The following TENM3 variants were observed in gnomAD, a reference collection of about 807,000 sequenced individuals.
The protein encoded by TENM3 is teneurin transmembrane protein 3.
Under a neutral mutation model 255.1 loss-of-function variants are expected in TENM3, and 63 were observed. That is an observed-to-expected ratio of 0.25 (90% CI 0.20 to 0.30). TENM3 has a LOEUF of 0.30. Among genes scored for constraint, TENM3 ranks in the 10% least tolerant of loss-of-function variants. The pLI, the probability that TENM3 is intolerant of heterozygous loss-of-function variation, is 1.00. For synonymous variants in TENM3, 1,306 were observed against 1,322.3 expected, an observed-to-expected ratio of 0.99 and a Z score of 0.27; for missense variants, 2,929 against 3,461.1, an observed-to-expected ratio of 0.85 and a Z score of 3.86.
chr4:182,602,713 T>G (rs932901566), intron 4 of TENM3, among the ~76,000 whole-genome samples: 1 of 152,204 alleles, frequency 6.6e-6, no homozygotes, highest in Admixed American at 6.5e-5. Flanking sequence ...CACAGTCATG[T>G]ATACGGATTT....
At chr4:182,439,372 C>T (rs376408358) in intron 3 of TENM3, among the ~76,000 whole-genome samples, 38 of 152,176 alleles carry the variant, frequency 2.5e-4, no homozygotes, top group African/African-American at 7.7e-4. Context: ...AGCACATTGG[C>T]TTTTTATAAA....
chr4:182,213,864 C>T lies in TENM3; in HGVS notation c.-76+69110C>T, dbSNP rs139341378. ...TCGCCCAGGCTGGAGTGCAGTGGCGCGATCTCGGCTCACTGCAAGCTCTGC... is the reference window on the plus strand; with the variant it reads ...TCGCCCAGGCTGGAGTGCAGTGGCGTGATCTCGGCTCACTGCAAGCTCTGC... On this transcript the variant is annotated intron_variant, in intron 1 of 2. Transcript: ENST00000512480. Among the ~76,000 whole-genome samples, 1,094 of 152,130 alleles carry T rather than the reference C, an allele frequency of 7.2e-3. 18 individuals are homozygous for T. Among genetic ancestry groups the T allele is most frequent in the African/African-American group, 0.025 (1,034 of 41,470 alleles).
At chr4:182,563,302 T>C (rs1743409174) in intron 3 of TENM3, among the ~76,000 whole-genome samples, 1 of 152,116 alleles carries the variant, frequency 6.6e-6, no homozygotes, top group South Asian at 2.1e-4. Flanking sequence ...TGATGGTGTA[T>C]GCCTGTAATC....
chr4:182,730,096 A>G lies in TENM3; in HGVS notation c.2586-104A>G, dbSNP rs1321974832. 13 of 1,393,886 alleles carry G rather than the reference A, an allele frequency of 9.3e-6. No individual in the cohort carries two copies. The South Asian group carries it at 1.2e-4, about 13-fold the overall frequency. The allele number at this position is 1,393,886 out of a possible 1,614,324, so 86.3% of individuals were successfully genotyped here. A position where few individuals can be genotyped will look rare whatever the true frequency, so the allele number is the denominator to read the frequency against. On this transcript the variant is annotated intron_variant, in intron 14 of 27. Coordinates refer to ENST00000511685, the MANE Select transcript of TENM3 (RefSeq NM_001080477.4). The stretch of plus-strand genomic sequence containing the variant: ...ATTTTTGTGAATAACGATGGATTGC[A>G]TAGCATAGTGTTATTTTATCCTTAG...
At chr4:181,566,099 A>AG in the TENM3 span, among the ~76,000 whole-genome samples, 3 of 11,366 alleles carry the variant, frequency 2.6e-4, no homozygotes, top group Non-Finnish European at 1.1e-3. Context: ...TGTTTGGCGA[A>AG]GAAAAAAAAA....
intron 1 of TENM3, among the ~76,000 whole-genome samples, chr4:182,177,610 A>ATCTT (rs1752575550): frequency 7.8e-6 from 1 of 128,114 alleles, no homozygotes; most frequent in Non-Finnish European, 1.8e-5. Flanking sequence ...ACATATATAT[A>ATCTT]TATATTTTTT....
the TENM3 span, among the ~76,000 whole-genome samples, chr4:181,637,997 G>T: frequency 5.3e-5 from 8 of 152,140 alleles, no homozygotes; most frequent in South Asian, 2.1e-4. Flanking sequence ...CCACACGCAG[G>T]CATTTTCTTG....
the TENM3 span, among the ~76,000 whole-genome samples, chr4:181,847,880 GT>G: frequency 2.0e-5 from 3 of 151,980 alleles, no homozygotes; most frequent in African/African-American, 7.2e-5. Flanking sequence ...AAGTCAAAAA[GT>G]TGTATTCCAG....
chr4:182,076,479 G>A, the TENM3 span, among the ~76,000 whole-genome samples: 2 of 152,136 alleles, frequency 1.3e-5, no homozygotes, highest in Admixed American at 6.5e-5. Flanking sequence ...TGGGATTACA[G>A]GCGTGAGCCG....
intron 1 of TENM3, among the ~76,000 whole-genome samples, chr4:182,258,649 G>T (rs950710419): frequency 3.9e-5 from 6 of 152,180 alleles, no homozygotes; most frequent in Non-Finnish European, 8.8e-5. Context: ...GTTTCACCTT[G>T]TGTTACTTGT....
At chr4:181,621,112 T>A in the TENM3 span, among the ~76,000 whole-genome samples, 1 of 152,128 alleles carries the variant, frequency 6.6e-6, no homozygotes, top group Non-Finnish European at 1.5e-5. Context: ...TTGACAATAA[T>A]CAAAGAGGTC....
the TENM3 span, among the ~76,000 whole-genome samples, chr4:181,733,614 A>G: frequency 2.0e-5 from 3 of 152,160 alleles, no homozygotes; most frequent in African/African-American, 7.2e-5. Flanking sequence ...GAATGATGCT[A>G]CCAGCTTTGG....
chr4:181,595,181 A>C, the TENM3 span, among the ~76,000 whole-genome samples: 8 of 152,236 alleles, frequency 5.3e-5, no homozygotes, highest in South Asian at 2.1e-4. Flanking sequence ...CTGTAATCCC[A>C]GCACTTTGAG....
At chr4:182,248,313 C>T (rs1019459454) in intron 1 of TENM3, among the ~76,000 whole-genome samples, 13 of 152,110 alleles carry the variant, frequency 8.5e-5, no homozygotes, top group Admixed American at 7.2e-4. Context: ...TATCAATAGT[C>T]TTAGCCTTAT....
the TENM3 span, among the ~76,000 whole-genome samples, chr4:181,516,000 G>A: frequency 6.6e-6 from 1 of 152,164 alleles, no homozygotes; most frequent in African/African-American, 2.4e-5. Flanking sequence ...ATGCATCATG[G>A]AATACTATGC....
intron 3 of TENM3, among the ~76,000 whole-genome samples, chr4:182,471,634 T>C (rs371716111): frequency 0.015 from 2,191 of 150,966 alleles, 29 homozygotes; most frequent in Middle Eastern, 0.054. Flanking sequence ...CCTCTGTGTG[T>C]GTGTGTGTGT....
rs1242406735 is a variant in TENM3 at position 182,738,560 on chromosome 4, T to G, written c.3379+16T>G. The G allele has an allele frequency of 2.5e-5, 40 of 1,600,904 alleles. No homozygotes were observed. The highest frequency in any genetic ancestry group is 3.4e-5 in the Non-Finnish European group (40 of 1,173,746). On this transcript the variant is annotated intron_variant, in intron 18 of 27. Coordinates refer to ENST00000511685, the MANE Select transcript of TENM3 (RefSeq NM_001080477.4). ...GTACAGAACGGTAAGCTCTTGTTCA[T>G]AGATAACTGATGTTGTAATGTATTG...
the TENM3 span, among the ~76,000 whole-genome samples, chr4:181,861,693 A>G: frequency 6.6e-6 from 1 of 152,046 alleles, no homozygotes; most frequent in South Asian, 2.1e-4. Context: ...CATCTCAAAC[A>G]TTGTCTTTGA....
chr4:181,701,878 C>T, the TENM3 span, among the ~76,000 whole-genome samples: 856 of 152,222 alleles, frequency 5.6e-3, 7 homozygotes, highest in African/African-American at 0.02. Flanking sequence ...GCAAGTAATG[C>T]TACTTTAAAA....
Sources: gnomAD v4.1 joint callset for allele counts (sites outside exome capture counted in the v4.1 genomes callset) on GRCh38, gnomAD v4.1.1 for gene constraint, MANE v1.5 for transcripts, NCBI Gene and HGNC (gene_info 2026-07-23, HGNC 2026-07-21) for gene names.